The following GBF1 variants were observed in gnomAD, a reference collection of about 807,000 sequenced individuals.
GBF1 encodes the protein Golgi-specific brefeldin A-resistance guanine nucleotide exchange factor 1.
A neutral mutation model predicts 210.5 loss-of-function variants in GBF1; 114 were observed. The observed-to-expected ratio is 0.54, with a 90% CI of 0.47 to 0.63. The LOEUF (loss-of-function observed/expected upper bound fraction) is 0.63. Among genes scored for constraint, GBF1 ranks in the 30% least tolerant of loss-of-function variants. The pLI, the probability that GBF1 is intolerant of heterozygous loss-of-function variation, is 0.00. For synonymous variants in GBF1, 850 were observed against 889.2 expected (o/e 0.96, Z 0.78); for missense variants, 1,851 against 2,357.7 (o/e 0.79, Z 4.45).
At chr10:102,322,034 A>AT (rs552101730) in intron 3 of GBF1, among the ~76,000 whole-genome samples, 1 of 152,144 alleles carries the variant, frequency 6.6e-6, no homozygotes, top group East Asian at 1.9e-4. Context: ...AATTTTTTGT[A>AT]TTTTTTGTAG....
chr10:102,265,977 C>A (rs1244492110), intron 3 of GBF1, among the ~76,000 whole-genome samples: 2 of 152,118 alleles, frequency 1.3e-5, no homozygotes, highest in Non-Finnish European at 2.9e-5. Context: ...GTGGCTCACG[C>A]CTGTAATCCC....
chr10:102,283,327 G>A (rs1007913405), intron 3 of GBF1, among the ~76,000 whole-genome samples: 7 of 152,172 alleles, frequency 4.6e-5, no homozygotes, highest in African/African-American at 1.7e-4. Context: ...TTCTAGTTGT[G>A]TCCAGGCACA....
chr10:102,256,370 TTCTC>T (rs1424943185), intron 1 of GBF1, among the ~76,000 whole-genome samples: 2 of 152,156 alleles, frequency 1.3e-5, no homozygotes, highest in African/African-American at 4.8e-5. Context: ...GTACATTTCT[TTCTC>T]TATTATCTCT....
In GBF1 at chr10:102,306,094, T is replaced by C. The variant is rs2077843281; in HGVS notation, c.164-37957T>C. Among the ~76,000 whole-genome samples the C allele has an allele frequency of 2.0e-5, 3 of 152,098 alleles. No individual in the cohort carries two copies. The South Asian group carries it at 6.2e-4, about 32-fold the overall frequency. On this transcript the variant is annotated intron_variant, in intron 3 of 39. Coordinates refer to ENST00000369983, the MANE Select transcript of GBF1 (RefSeq NM_001377137.1). The stretch of plus-strand genomic sequence containing the variant: ...ATACCTAAGAAGAAGCCTGAAGACT[T>C]GAGATATAGACTGGGCTTTATCATA...
chr10:102,313,920 T>G (rs1387568170), intron 3 of GBF1, among the ~76,000 whole-genome samples: 1 of 152,076 alleles, frequency 6.6e-6, no homozygotes, highest in Admixed American at 6.6e-5. Flanking sequence ...ATCAACAGTA[T>G]TTTCCCACCT....
chr10:102,288,434 G>T (rs1589498124), intron 3 of GBF1, among the ~76,000 whole-genome samples: 2 of 152,158 alleles, frequency 1.3e-5, no homozygotes, highest in African/African-American at 4.8e-5. Flanking sequence ...AATTACGGCC[G>T]GGCGCGGTGG....
chr10:102,257,082 A>T (rs950049335), intron 1 of GBF1, among the ~76,000 whole-genome samples: 1 of 152,240 alleles, frequency 6.6e-6, no homozygotes, highest in African/African-American at 2.4e-5. Context: ...AGGCTCAAGT[A>T]TCCTCTGATT....
intron 27 of GBF1, 50 bp from the exon 28 acceptor site, chr10:102,370,334 G>A (rs866748932): frequency 6.7e-7 from 1 of 1,489,804 alleles, no homozygotes; most frequent in South Asian, 1.1e-5. Context: ...GGCAGGGCCA[G>A]TGGTTGGCTT....
chr10:102,376,628 T>C lies in GBF1; in HGVS notation c.4116T>C (p.Asn1372=). 6.2e-7 allele frequency: 1 copy of C among 1,613,746 alleles called. No individual in the cohort carries two copies. Residue 1372 remains asparagine, a synonymous_variant, in exon 32 of 40, where the codon AAT becomes AAC. Coordinates refer to ENST00000369983, the MANE Select transcript of GBF1 (RefSeq NM_001377137.1). ...PSRPGPSPLI[N]QYSLTVGLDL... ...GCCCAGGCCCTTCACCCCTGATCAA[T>C]CAATACAGCCTAACAGTGGGACTGG...
In GBF1 at chr10:102,375,477, C is replaced by G; in HGVS notation, c.3779C>G (p.Ser1260Ter). 1 of 1,613,454 alleles carries G rather than the reference C, an allele frequency of 6.2e-7. No individual in the cohort carries two copies. The highest frequency in any genetic ancestry group is 8.5e-7 in the Non-Finnish European group (1 of 1,179,388). The change falls in exon 30 of 40, where the codon TCA becomes TGA. Residue 1260 changes from serine to a stop codon, truncating the protein, a stop_gained. Coordinates refer to ENST00000369983, the MANE Select transcript of GBF1 (RefSeq NM_001377137.1). LOFTEE classifies it high-confidence loss of function. Reference sequence around the variant, plus strand: ...AAGACCAATGCAGCCAACATCCACTCAGGTGATGACTGGGCCACACTCTTC... The same window carrying G: ...AAGACCAATGCAGCCAACATCCACTGAGGTGATGACTGGGCCACACTCTTC... ...LLKTNAANIH[S>*]GDDWATLFTL...
intron 3 of GBF1, among the ~76,000 whole-genome samples, chr10:102,339,756 A>G (rs1261829461): frequency 1.3e-5 from 2 of 152,008 alleles, no homozygotes; most frequent in Non-Finnish European, 2.9e-5. Flanking sequence ...ACAGAACAGA[A>G]CCCAGAAGAG....
the GBF1 span, among the ~76,000 whole-genome samples, chr10:102,232,606 T>C: frequency 6.6e-6 from 1 of 152,122 alleles, no homozygotes; most frequent in Non-Finnish European, 1.5e-5. Flanking sequence ...CGCTTGAACC[T>C]GGGAGGCGGA....
intron 17 of GBF1, among the ~76,000 whole-genome samples, chr10:102,364,988 C>T (rs1415383386): frequency 1.3e-5 from 2 of 152,186 alleles, no homozygotes; most frequent in Non-Finnish European, 2.9e-5. Context: ...TCCACTTTGT[C>T]TTTCAAACCC....
intron 3 of GBF1, among the ~76,000 whole-genome samples, chr10:102,270,765 G>A (rs760294781): frequency 6.6e-6 from 1 of 151,986 alleles, no homozygotes; most frequent in African/African-American, 2.4e-5. Context: ...AACATTTTCC[G>A]TTTGTCCCCA....
intron 6 of GBF1, 129 bp from the exon 7 acceptor site, chr10:102,352,329 G>T: frequency 1.4e-6 from 1 of 705,614 alleles, no homozygotes; most frequent in Middle Eastern, 2.7e-4. Flanking sequence ...AGGCTGAGCT[G>T]GAGCTGGTTT....
intron 36 of GBF1, 84 bp downstream of exon 36, chr10:102,380,038 A>G (rs2060745475): frequency 3.2e-6 from 3 of 932,792 alleles, no homozygotes; most frequent in Non-Finnish European, 5.2e-6. Flanking sequence ...GGCAGGACCT[A>G]GAGATGCACT....
the GBF1 span, among the ~76,000 whole-genome samples, chr10:102,234,440 T>A: frequency 6.6e-6 from 1 of 152,076 alleles, no homozygotes; most frequent in East Asian, 1.9e-4. Flanking sequence ...AGGCCAGAAC[T>A]GGAGGTGTGC....
chr10:102,335,281 A>G (rs902058400), intron 3 of GBF1, among the ~76,000 whole-genome samples: 2 of 152,148 alleles, frequency 1.3e-5, no homozygotes, highest in Non-Finnish European at 2.9e-5. Flanking sequence ...AGTCACCTTC[A>G]GAGCACCTCT....
Position 102,261,648 on chromosome 10 carries a change from C to T in GBF1, c.163+1532C>T, listed in dbSNP as rs1344827404. On this transcript the variant is annotated intron_variant, in intron 3 of 39. Transcript: ENST00000369983. ...TTTTTTTTTTTGAAACAGTGTGTCT[C>T]TCTGTTGCCTAGGCTGGAGTGCAGT... 2.3e-5 allele frequency among the ~76,000 whole-genome samples: 3 copies of T among 133,036 alleles called. No homozygotes were observed. In the East Asian group the frequency reaches 6.5e-4, roughly 29 times the overall value. The allele number at this position is 133,036 out of a possible 152,430, so 87.3% of individuals were successfully genotyped here. A position where few individuals can be genotyped will look rare whatever the true frequency, so the allele number is the denominator to read the frequency against.
Sources: gnomAD v4.1 joint callset for allele counts (sites outside exome capture counted in the v4.1 genomes callset) on GRCh38, gnomAD v4.1.1 for gene constraint, MANE v1.5 for transcripts, NCBI Gene and HGNC (gene_info 2026-07-23, HGNC 2026-07-21) for gene names.